Variants in NOX4 observed in about 807,000 individuals in gnomAD.
NOX4 encodes the protein NADPH oxidase 4, also known as kidney oxidase-1.
Under a neutral mutation model 87.6 loss-of-function variants are expected in NOX4, and 69 were observed. The ratio of observed to expected loss-of-function variants is 0.79; its 90% confidence interval spans 0.65 to 0.96. The LOEUF is 0.96. Ranked by LOEUF, NOX4 falls within the 40% of genes least tolerant of loss-of-function variation. The probability of loss-of-function intolerance (pLI) is 0.00; values close to 1 mark genes in which losing one functional copy is unlikely to be tolerated. For missense variants in NOX4, 680 were observed against 681.5 expected (o/e 1.00, Z 0.02); for synonymous variants, 275 against 238.2 (o/e 1.15, Z -1.42).
intron 5 of NOX4, among the ~76,000 whole-genome samples, chr11:89,442,742 A>C (rs551398831): frequency 6.6e-6 from 1 of 152,300 alleles, no homozygotes; most frequent in African/African-American, 2.4e-5. Context: ...ATAACTTTTC[A>C]AAGAAAATAA....
the NOX4 span, among the ~76,000 whole-genome samples, chr11:89,550,617 T>A: frequency 6.6e-6 from 1 of 152,170 alleles, no homozygotes; most frequent in Non-Finnish European, 1.5e-5. Flanking sequence ...TGTGTTCATA[T>A]CCTTCACTCA....
intron 13 of NOX4, among the ~76,000 whole-genome samples, chr11:89,352,176 G>A (rs1452972928): frequency 2.0e-5 from 3 of 152,042 alleles, no homozygotes; most frequent in Non-Finnish European, 4.4e-5. Flanking sequence ...ATGTTATTCT[G>A]GTGATGGATA....
chr11:89,504,115 G>A, the NOX4 span, among the ~76,000 whole-genome samples: 3 of 151,676 alleles, frequency 2.0e-5, no homozygotes, highest in East Asian at 1.9e-4. Flanking sequence ...GAGATCTGAA[G>A]GACAATAGCC....
the NOX4 span, among the ~76,000 whole-genome samples, chr11:89,572,316 A>G: frequency 6.6e-6 from 1 of 152,180 alleles, no homozygotes; most frequent in Non-Finnish European, 1.5e-5. Flanking sequence ...TATATACATG[A>G]GCATTTTTCA....
the NOX4 span, among the ~76,000 whole-genome samples, chr11:89,530,829 G>A: frequency 6.6e-6 from 1 of 152,096 alleles, no homozygotes; most frequent in African/African-American, 2.4e-5. Context: ...ATAAATAAAA[G>A]TAAGGGAAAT....
At chr11:89,529,025 TAAG>T in the NOX4 span, among the ~76,000 whole-genome samples, 1 of 151,866 alleles carries the variant, frequency 6.6e-6, no homozygotes, top group South Asian at 2.1e-4. Flanking sequence ...AGGTAGAAGA[TAAG>T]AATACAAACA....
intron 2 of NOX4, among the ~76,000 whole-genome samples, chr11:89,472,163 A>T (rs1180740883): frequency 6.6e-6 from 1 of 152,032 alleles, no homozygotes; most frequent in Non-Finnish European, 1.5e-5. Context: ...CATTTCTTTT[A>T]AAAAAAATTC....
chr11:89,560,994 C>CTATATATA, the NOX4 span, among the ~76,000 whole-genome samples: 54 of 59,380 alleles, frequency 9.1e-4, no homozygotes, highest in Non-Finnish European at 1.3e-3. Flanking sequence ...CTCTCTCTCT[C>CTATATATA]TCTATATATA....
intron 12 of NOX4, among the ~76,000 whole-genome samples, chr11:89,365,234 G>A (rs983019210): frequency 2.6e-5 from 4 of 152,042 alleles, no homozygotes; most frequent in African/African-American, 9.7e-5. Context: ...GGGGAGCAGA[G>A]TGATAAAAGT....
At chr11:89,426,124 A>C (rs1243328679) in intron 7 of NOX4, among the ~76,000 whole-genome samples, 1 of 152,184 alleles carries the variant, frequency 6.6e-6, no homozygotes, top group African/African-American at 2.4e-5. Flanking sequence ...AATGCAGATA[A>C]TTTGTTATTT....
chr11:89,345,461 T>C (rs748753124), intron 13 of NOX4, among the ~76,000 whole-genome samples: 2 of 152,350 alleles, frequency 1.3e-5, no homozygotes, highest in African/African-American at 4.8e-5. Context: ...TCTCTCATGA[T>C]GCTGGGCAGC....
chr11:89,430,414 G>A (rs539565824), intron 7 of NOX4, among the ~76,000 whole-genome samples: 70 of 152,254 alleles, frequency 4.6e-4, no homozygotes, highest in Non-Finnish European at 8.7e-4. Flanking sequence ...AAGTCAAATC[G>A]TCCCTGTTTG....
chr11:89,452,272 G>A (rs565864988), intron 2 of NOX4, among the ~76,000 whole-genome samples: 4 of 152,202 alleles, frequency 2.6e-5, no homozygotes, highest in African/African-American at 9.6e-5. Flanking sequence ...TTTATTCACT[G>A]ATAAGGTCAC....
intron 7 of NOX4, among the ~76,000 whole-genome samples, chr11:89,426,855 G>C (rs537660731): frequency 6.6e-6 from 1 of 152,166 alleles, no homozygotes; most frequent in Admixed American, 6.5e-5. Flanking sequence ...ATCCCTGTCT[G>C]ACAGCTTTGA....
At chr11:89,487,156 G>A (rs1261860313) in intron 2 of NOX4, among the ~76,000 whole-genome samples, 2 of 152,078 alleles carry the variant, frequency 1.3e-5, no homozygotes, top group African/African-American at 4.8e-5. Context: ...GTCAGACAGG[G>A]CTGTATTCAA....
At chr11:89,373,561 C>G (rs1205298222) in intron 11 of NOX4, 69 bp from the exon 12 acceptor site, 138 of 1,014,198 alleles carry the variant, frequency 1.4e-4, no homozygotes, top group Non-Finnish European at 2.0e-4. Context: ...TCAATTACAA[C>G]TTTTATCCTG....
intron 15 of NOX4, among the ~76,000 whole-genome samples, chr11:89,339,642 A>T (rs754939256): frequency 1.4e-4 from 21 of 152,120 alleles, no homozygotes; most frequent in Non-Finnish European, 2.6e-4. Flanking sequence ...AAGTCTGGTG[A>T]TTTGCAGTAT....
intron 7 of NOX4, among the ~76,000 whole-genome samples, chr11:89,422,978 T>C (rs1399930203): frequency 6.6e-6 from 1 of 151,960 alleles, no homozygotes; most frequent in Non-Finnish European, 1.5e-5. Flanking sequence ...ATTTGCATTC[T>C]TGGTAGAGAT....
At chr11:89,421,110 C>T (rs1015891554) in intron 8 of NOX4, among the ~76,000 whole-genome samples, 1 of 152,140 alleles carries the variant, frequency 6.6e-6, no homozygotes, top group South Asian at 2.1e-4. Flanking sequence ...TAATAAGCAC[C>T]TGACATTATC....
Sources: allele counts gnomAD v4.1 joint callset (sites outside exome capture counted in the v4.1 genomes callset), GRCh38; gene constraint gnomAD v4.1.1; transcripts MANE v1.5; gene names NCBI Gene and HGNC (gene_info 2026-07-23, HGNC 2026-07-21).